LRP1B: variants seen among roughly 807,000 people sequenced by gnomAD.
LRP1B encodes the protein LDL receptor related protein 1B.
Under a neutral mutation model 556.6 loss-of-function variants are expected in LRP1B, and 217 were observed. The observed-to-expected ratio is 0.39, with a 90% CI of 0.35 to 0.44. The LOEUF is 0.44. Ranked by LOEUF, LRP1B falls within the 20% of genes least tolerant of loss-of-function variation. The pLI, the probability that LRP1B is intolerant of heterozygous loss-of-function variation, is 1.00. For synonymous variants in LRP1B, 2,047 were observed against 1,865.8 expected (o/e 1.10, Z -2.50); for missense variants, 5,053 against 5,620.8 (o/e 0.90, Z 3.23).
At chr2:140,546,311 T>C (rs1263751235) in intron 43 of LRP1B, among the ~76,000 whole-genome samples, 1 of 152,082 alleles carries the variant, frequency 6.6e-6, no homozygotes, top group Non-Finnish European at 1.5e-5. Flanking sequence ...GGACTTCCAA[T>C]ACTATATTGA....
At position 140,387,458 on chromosome 2, in the gene LRP1B, C is replaced by T. The variant is rs148830227; in HGVS notation, c.10415-1449G>A. 8.5e-5 allele frequency among the ~76,000 whole-genome samples: 13 copies of T among 152,166 alleles called. No homozygotes were observed. In the East Asian group the frequency reaches 2.1e-3, roughly 25 times the overall value. ...CATATGAGGAAAATAACTCTCAAAA[C>T]ATTTAAATAATTTCTCCAATCTTAC... On this transcript the variant is annotated intron_variant, in intron 66 of 90. Coordinates refer to ENST00000389484, the MANE Select transcript of LRP1B (RefSeq NM_018557.3).
chr2:142,011,650 A>G (rs1396912942), intron 1 of LRP1B, among the ~76,000 whole-genome samples: 1 of 152,158 alleles, frequency 6.6e-6, no homozygotes, highest in African/African-American at 2.4e-5. Context: ...TGTAATCAAT[A>G]CTTTTAACCT....
chr2:142,096,234 C>G (rs927120863), intron 1 of LRP1B, among the ~76,000 whole-genome samples: 2 of 151,570 alleles, frequency 1.3e-5, no homozygotes, highest in African/African-American at 4.8e-5. Context: ...ATCAAAGAAT[C>G]CAGCCTCCTT....
At chr2:141,466,469 C>T (rs1399634422) in intron 3 of LRP1B, among the ~76,000 whole-genome samples, 2 of 152,106 alleles carry the variant, frequency 1.3e-5, no homozygotes, top group East Asian at 3.9e-4. Flanking sequence ...GCAGTGTTTA[C>T]CCTCTTGAAA....
chr2:141,001,251 T>A (rs1697413086), intron 15 of LRP1B, among the ~76,000 whole-genome samples: 1 of 152,078 alleles, frequency 6.6e-6, no homozygotes, highest in Admixed American at 6.6e-5. Context: ...AAAACTAGAT[T>A]TAAAAATTCA....
chr2:141,910,103 T>C (rs1222330521), intron 1 of LRP1B, among the ~76,000 whole-genome samples: 1 of 142,402 alleles, frequency 7.0e-6, no homozygotes, highest in Non-Finnish European at 1.5e-5. Context: ...ATCACGCCAC[T>C]GCACTCCAGC....
At chr2:141,298,536 A>G (rs1445719063) in intron 3 of LRP1B, among the ~76,000 whole-genome samples, 1 of 152,208 alleles carries the variant, frequency 6.6e-6, no homozygotes, top group Non-Finnish European at 1.5e-5. Context: ...ACTGACACAC[A>G]TTGATGCTGG....
At chr2:141,686,593 C>G (rs1691313365) in intron 2 of LRP1B, among the ~76,000 whole-genome samples, 1 of 151,840 alleles carries the variant, frequency 6.6e-6, no homozygotes, top group African/African-American at 2.4e-5. Context: ...CATATTGTTT[C>G]CTTCTGAATC....
intron 3 of LRP1B, among the ~76,000 whole-genome samples, chr2:141,290,496 T>C: frequency 6.6e-6 from 1 of 152,168 alleles, no homozygotes; most frequent in Non-Finnish European, 1.5e-5. Flanking sequence ...AGTAGGAGGC[T>C]ATTGATATAA....
At chr2:140,443,942 A>C (rs182868437) in intron 65 of LRP1B, among the ~76,000 whole-genome samples, 49 of 152,298 alleles carry the variant, frequency 3.2e-4, no homozygotes, top group African/African-American at 1.0e-3. Flanking sequence ...ACACTCTCTA[A>C]TTAAAAATAA....
At chr2:141,751,861 A>AT (rs955785451) in intron 2 of LRP1B, among the ~76,000 whole-genome samples, 20 of 148,294 alleles carry the variant, frequency 1.3e-4, no homozygotes, top group Non-Finnish European at 2.1e-4. Flanking sequence ...AGTATGACTG[A>AT]TTTTTTTTTA....
chr2:142,104,417 T>C (rs1410423088), intron 1 of LRP1B, among the ~76,000 whole-genome samples: 2 of 152,148 alleles, frequency 1.3e-5, no homozygotes, highest in Non-Finnish European at 2.9e-5. Flanking sequence ...GAGGGGTTTA[T>C]TGTGCTGTTT....
At chr2:141,862,705 C>G (rs187867458) in intron 1 of LRP1B, among the ~76,000 whole-genome samples, 2 of 152,342 alleles carry the variant, frequency 1.3e-5, no homozygotes, top group East Asian at 3.9e-4. Flanking sequence ...CCTTGCCCAG[C>G]ATGGACAGGT....
chr2:140,314,488 A>T (rs1161436735), intron 83 of LRP1B, among the ~76,000 whole-genome samples: 1 of 152,098 alleles, frequency 6.6e-6, no homozygotes, highest in Non-Finnish European at 1.5e-5. Flanking sequence ...GAATAGATAC[A>T]ATTTTAGATG....
At chr2:140,297,065 T>A (rs768912948) in intron 84 of LRP1B, among the ~76,000 whole-genome samples, 8 of 152,090 alleles carry the variant, frequency 5.3e-5, no homozygotes, top group Non-Finnish European at 1.2e-4. Context: ...GATGTGTTCA[T>A]AAGTAGCCAA....
At chr2:141,152,776 G>T (rs958751956) in intron 7 of LRP1B, among the ~76,000 whole-genome samples, 1 of 151,516 alleles carries the variant, frequency 6.6e-6, no homozygotes, top group African/African-American at 2.4e-5. Context: ...TTTAATGAAT[G>T]AATCGGTTAA....
chr2:140,605,158 G>A (rs1318324990), intron 41 of LRP1B, among the ~76,000 whole-genome samples: 2 of 152,064 alleles, frequency 1.3e-5, no homozygotes, highest in Admixed American at 1.3e-4. Flanking sequence ...CTTACTTACT[G>A]GCTTGTTCTC....
intron 11 of LRP1B, among the ~76,000 whole-genome samples, chr2:141,022,935 C>T (rs1000161415): frequency 6.6e-6 from 1 of 151,732 alleles, no homozygotes; most frequent in Non-Finnish European, 1.5e-5. Flanking sequence ...TGGTCAAAAT[C>T]TCCCTTAGCT....
intron 3 of LRP1B, among the ~76,000 whole-genome samples, chr2:141,409,709 A>C (rs535960296): frequency 1.3e-5 from 2 of 152,116 alleles, no homozygotes; most frequent in Non-Finnish European, 2.9e-5. Flanking sequence ...CAAATAAATG[A>C]ATAAAATAAT....
Sources: gnomAD v4.1 joint callset for allele counts (sites outside exome capture counted in the v4.1 genomes callset) on GRCh38, gnomAD v4.1.1 for gene constraint, MANE v1.5 for transcripts, NCBI Gene and HGNC (gene_info 2026-07-23, HGNC 2026-07-21) for gene names.